The following CADM2 variants were observed in gnomAD, a reference collection of about 807,000 sequenced individuals.
CADM2 encodes immunoglobulin superfamily member 4D.
CADM2 carries 12 observed loss-of-function variants against 49.8 expected under a neutral mutation model. The observed-to-expected ratio is 0.24, with a 90% CI of 0.15 to 0.39. The LOEUF (loss-of-function observed/expected upper bound fraction) is 0.39. Among genes scored for constraint, CADM2 ranks in the 10% least tolerant of loss-of-function variants. The pLI, the probability that CADM2 is intolerant of heterozygous loss-of-function variation, is 1.00. For missense variants in CADM2, 378 were observed against 492.3 expected, an observed-to-expected ratio of 0.77 and a Z score of 2.20; for synonymous variants, 214 against 175.4, an observed-to-expected ratio of 1.22 and a Z score of -1.74.
chr3:85,523,241 C>T (rs866038879), intron 1 of CADM2, among the ~76,000 whole-genome samples: 12 of 152,184 alleles, frequency 7.9e-5, no homozygotes, highest in Middle Eastern at 6.8e-3. Flanking sequence ...TGGCAAAACA[C>T]ATTTCTGTTT....
At chr3:85,766,129 C>T (rs1274833236) in intron 2 of CADM2, among the ~76,000 whole-genome samples, 2 of 152,046 alleles carry the variant, frequency 1.3e-5, no homozygotes, top group East Asian at 3.9e-4. Context: ...GAGAGTAATA[C>T]CTAATTTTTA....
At chr3:85,356,172 A>T (rs1182896597) in intron 1 of CADM2, among the ~76,000 whole-genome samples, 2 of 152,108 alleles carry the variant, frequency 1.3e-5, no homozygotes, top group Admixed American at 6.6e-5. Context: ...TAATTTCAAC[A>T]AATGATGTAG....
intron 1 of CADM2, among the ~76,000 whole-genome samples, chr3:85,698,592 G>A (rs1440865141): frequency 6.6e-6 from 1 of 152,054 alleles, no homozygotes; most frequent in Non-Finnish European, 1.5e-5. Flanking sequence ...GAGAAGGAGA[G>A]GTGGGGTGGG....
At chr3:85,886,359 A>C in intron 5 of CADM2, 32 bp downstream of exon 5, 1 of 1,517,368 alleles carries the variant, frequency 6.6e-7, no homozygotes, top group Non-Finnish European at 9.1e-7. Context: ...ATCAAAATTA[A>C]TGTGCTGAAA....
chr3:85,800,650 T>C (rs1280695917), intron 2 of CADM2, among the ~76,000 whole-genome samples: 1 of 152,172 alleles, frequency 6.6e-6, no homozygotes, highest in Non-Finnish European at 1.5e-5. Flanking sequence ...GCTTCTCTTA[T>C]TTAGGGGAGG....
rs1381959584 is a variant in CADM2 at position 85,658,607 on chromosome 3, T to TATA, written c.62-67914_62-67912dup. ...ATATATATATATATATATATATATA[T>TATA]ATATATATATACATGTATGCATATG... On this transcript the variant is annotated intron_variant, in intron 1 of 9. Coordinates refer to ENST00000383699, the MANE Select transcript of CADM2 (RefSeq NM_001167675.2). 6.6e-5 allele frequency among the ~76,000 whole-genome samples: 9 copies of TATA among 135,442 alleles called. 1 individual carries two copies. The Admixed American group carries it at 6.8e-4, about 10-fold the overall frequency. 88.9% of individuals were successfully genotyped at this position (135,442 alleles called of 152,430 possible).
chr3:85,767,074 C>T (rs1577258918), intron 2 of CADM2, among the ~76,000 whole-genome samples: 1 of 152,238 alleles, frequency 6.6e-6, no homozygotes, highest in East Asian at 1.9e-4. Context: ...ATATTCAATA[C>T]ACTTTACCCA....
At chr3:85,231,782 G>A (rs1277430064) in intron 1 of CADM2, among the ~76,000 whole-genome samples, 5 of 148,458 alleles carry the variant, frequency 3.4e-5, no homozygotes, top group African/African-American at 7.4e-5. Flanking sequence ...GTGCAATCTC[G>A]GCTCACTGCA....
intron 1 of CADM2, among the ~76,000 whole-genome samples, chr3:85,087,862 A>G (rs183943855): frequency 1.3e-3 from 202 of 152,228 alleles, no homozygotes; most frequent in African/African-American, 4.4e-3. Context: ...AAACTGCCCC[A>G]GTTTTTTCCA....
At chr3:85,854,784 CA>C (rs977347641) in intron 3 of CADM2, among the ~76,000 whole-genome samples, 24 of 152,132 alleles carry the variant, frequency 1.6e-4, no homozygotes, top group African/African-American at 5.5e-4. Context: ...TATAATAAAA[CA>C]AATTTAAAAA....
At chr3:85,023,065 T>C (rs1331585691) in intron 1 of CADM2, among the ~76,000 whole-genome samples, 1 of 152,114 alleles carries the variant, frequency 6.6e-6, no homozygotes, top group Non-Finnish European at 1.5e-5. Context: ...ATTTATACTA[T>C]TATAAACAAA....
intron 2 of CADM2, among the ~76,000 whole-genome samples, chr3:85,778,165 A>T (rs570528182): frequency 6.6e-6 from 1 of 152,144 alleles, no homozygotes; most frequent in Non-Finnish European, 1.5e-5. Context: ...TAGTCTGTTT[A>T]TATTATTTTG....
At chr3:85,831,340 C>G (rs112597552) in intron 3 of CADM2, among the ~76,000 whole-genome samples, 8,590 of 152,040 alleles carry the variant, frequency 0.056, 406 homozygotes, top group East Asian at 0.19. Flanking sequence ...CCTTCAGATA[C>G]ATACCCAGTA....
chr3:85,914,747 A>G (rs1718059248), intron 6 of CADM2, among the ~76,000 whole-genome samples: 1 of 152,168 alleles, frequency 6.6e-6, no homozygotes, highest in Non-Finnish European at 1.5e-5. Context: ...GAATCTCTGG[A>G]TGTAGGTAAG....
chr3:85,060,193 C>T (rs763063617), intron 1 of CADM2, among the ~76,000 whole-genome samples: 12 of 152,004 alleles, frequency 7.9e-5, no homozygotes, highest in Non-Finnish European at 1.2e-4. Context: ...TGCAATGGCG[C>T]GATTTTGGCT....
chr3:85,370,154 A>G (rs959080775), intron 1 of CADM2, among the ~76,000 whole-genome samples: 1 of 150,814 alleles, frequency 6.6e-6, no homozygotes, highest in Non-Finnish European at 1.5e-5. Context: ...GAGAGGTTGC[A>G]GTCAGCTGAG....
intron 1 of CADM2, among the ~76,000 whole-genome samples, chr3:85,432,868 G>A (rs1276534199): frequency 6.6e-6 from 1 of 151,822 alleles, no homozygotes; most frequent in Non-Finnish European, 1.5e-5. Flanking sequence ...TAATCTTTAT[G>A]TCCAAAGTCA....
rs540245421 is a variant in CADM2 at position 85,487,773 on chromosome 3, CGT to C, written c.62-238739_62-238738del. Among the ~76,000 whole-genome samples, 49 of 150,978 alleles carry C rather than the reference CGT, an allele frequency of 3.2e-4. 1 individual carries two copies. In the South Asian group the frequency reaches 9.2e-3, roughly 28 times the overall value. ...GTGTGTGTGCGTGTGTGTGTGCGTG[CGT>C]GTGTGTGTGATGGGAATGAATAGAT... On this transcript the variant is annotated intron_variant, in intron 1 of 9. Coordinates refer to ENST00000383699, the MANE Select transcript of CADM2 (RefSeq NM_001167675.2).
intron 3 of CADM2, among the ~76,000 whole-genome samples, chr3:85,805,749 G>A (rs376121452): frequency 2.1e-4 from 32 of 152,314 alleles, no homozygotes; most frequent in African/African-American, 7.7e-4. Flanking sequence ...AGTGAAGAAG[G>A]TGAGCATGAG....
Sources: allele counts gnomAD v4.1 joint callset (sites outside exome capture counted in the v4.1 genomes callset), GRCh38; gene constraint gnomAD v4.1.1; transcripts MANE v1.5; gene names NCBI Gene and HGNC (gene_info 2026-07-23, HGNC 2026-07-21).